Variants in RRP12 observed in about 807,000 individuals in gnomAD.
RRP12 encodes the protein ribosomal RNA processing 12 homolog, also known as RRP12-like protein.
Under a neutral mutation model 157.3 loss-of-function variants are expected in RRP12, and 78 were observed. That is an observed-to-expected ratio of 0.50 (90% confidence interval 0.41 to 0.60). The LOEUF is 0.60. Ranked by LOEUF, RRP12 falls within the 20% of genes least tolerant of loss-of-function variation. The pLI is 0.00. For missense variants in RRP12, 1,521 were observed against 1,679.9 expected (o/e 0.91, Z 1.65); for synonymous variants, 726 against 670.9 (o/e 1.08, Z -1.27).
intron 22 of RRP12, 64 bp downstream of exon 22, chr10:97,370,652 G>C (rs1844121104): frequency 6.3e-7 from 1 of 1,593,668 alleles, no homozygotes; most frequent in Admixed American, 1.7e-5. Context: ...GCCCTCCCTG[G>C]ATCCTGAGGC....
intron 9 of RRP12, 114 bp downstream of exon 9, chr10:97,385,781 C>T (rs1844614188): frequency 1.3e-6 from 1 of 749,728 alleles, no homozygotes; most frequent in African/African-American, 1.7e-5. Context: ...ACTAGGACAA[C>T]CCAGCCCAGC....
At chr10:97,366,360 A>G (rs1843979856) in intron 28 of RRP12, 86 bp downstream of exon 28, 1 of 1,554,694 alleles carries the variant, frequency 6.4e-7, no homozygotes, top group Non-Finnish European at 8.7e-7. Flanking sequence ...TGGGCCTGCC[A>G]TGGATGCCAC....
rs1173265846 is a variant in RRP12 at position 97,366,123 on chromosome 10, C to T, written c.3502G>A (p.Glu1168Lys). The change falls in exon 29 of 34, where the codon GAG becomes AAG. Residue 1168 changes from glutamate to lysine, a missense_variant. Coordinates refer to ENST00000370992, the MANE Select transcript of RRP12 (RefSeq NM_015179.4). The stretch of plus-strand genomic sequence containing the variant: ...TTGGGCCCACCTTTGGCACCTTCCT[C>T]TTCCTCCATCTTGTTGCCGTCTGCC... The part of the protein sequence containing the change: ...EEADGNKMEE[E>K]EGAKGEDEEM... 6.2e-7 allele frequency: 1 copy of T among 1,604,276 alleles called. No individual in the cohort carries two copies. The highest frequency in any genetic ancestry group is 1.3e-5 in the African/African-American group (1 of 74,772).
chr10:97,375,695 A>G (rs1844286067), intron 15 of RRP12, among the ~76,000 whole-genome samples: 1 of 152,212 alleles, frequency 6.6e-6, no homozygotes, highest in Non-Finnish European at 1.5e-5. Context: ...TGATGGGCAT[A>G]TATTTCTATT....
At chr10:97,399,501 A>G (rs1845076546) in intron 2 of RRP12, among the ~76,000 whole-genome samples, 1 of 151,992 alleles carries the variant, frequency 6.6e-6, no homozygotes, top group Non-Finnish European at 1.5e-5. Flanking sequence ...ATCATTTAGA[A>G]TTTTGACATT....
Position 97,401,132 on chromosome 10 carries a change from GGT to G in RRP12, c.98_99del (p.His33ProfsTer17). On this transcript the variant is annotated frameshift_variant, in exon 1 of 34. Transcript: ENST00000370992. LOFTEE classifies it high-confidence loss of function. The part of the protein sequence containing the change: ...SSDSNPAICR[H>X]RQAARSRFFS... The stretch of plus-strand genomic sequence containing the variant: ...AAGAAGCGGCTGCGGGCGGCCTGAC[GGT>G]GGCGGCAGATGGCGGGGTTGCTGTC... The G allele has an allele frequency of 6.2e-7, 1 of 1,613,958 alleles. No homozygotes were observed. The highest frequency in any genetic ancestry group is 8.5e-7 in the Non-Finnish European group (1 of 1,179,988).
At chr10:97,365,933 A>G (rs1461350994) in intron 29 of RRP12, 175 bp downstream of exon 29, 2 of 802,658 alleles carry the variant, frequency 2.5e-6, no homozygotes, top group African/African-American at 3.5e-5. Context: ...GCTCGGTTAC[A>G]ACATAAAAAG....
At chr10:97,373,930 C>A in intron 15 of RRP12, 36 bp from the exon 16 acceptor site, 1 of 1,594,808 alleles carries the variant, frequency 6.3e-7, no homozygotes, top group Non-Finnish European at 8.6e-7. Context: ...GTGAGCCCAG[C>A]ACCCTCCTGG....
At chr10:97,358,414 A>G (rs535540380) in intron 33 of RRP12, 123 bp downstream of exon 33, 34 of 729,948 alleles carry the variant, frequency 4.7e-5, no homozygotes, top group Admixed American at 1.1e-4. Flanking sequence ...ATGTTAAAAA[A>G]AAAAGCTGGA....
At chr10:97,391,828 C>G (rs1299108827) in intron 4 of RRP12, among the ~76,000 whole-genome samples, 1 of 150,934 alleles carries the variant, frequency 6.6e-6, no homozygotes, top group Non-Finnish European at 1.5e-5. Flanking sequence ...GGCTGAGGCA[C>G]GAGAACGGTG....
chr10:97,365,892 T>G, intron 29 of RRP12: 1 of 599,624 alleles, frequency 1.7e-6, no homozygotes. Context: ...TCCGATAGTT[T>G]CCTTTAAGTT....
chr10:97,398,516 G>C (rs1845049361), intron 2 of RRP12, among the ~76,000 whole-genome samples: 1 of 150,786 alleles, frequency 6.6e-6, no homozygotes, highest in Admixed American at 6.7e-5. Flanking sequence ...ACCATGCCAG[G>C]CTAATTTTTT....
chr10:97,394,060 T>G (rs1201531784), intron 3 of RRP12, among the ~76,000 whole-genome samples: 1 of 152,180 alleles, frequency 6.6e-6, no homozygotes, highest in Non-Finnish European at 1.5e-5. Flanking sequence ...TATATATATG[T>G]GGCTGGGCGT....
intron 29 of RRP12, among the ~76,000 whole-genome samples, chr10:97,365,017 G>A (rs938331876): frequency 1.3e-5 from 2 of 152,204 alleles, no homozygotes; most frequent in African/African-American, 4.8e-5. Flanking sequence ...AAGTACATAC[G>A]CTGTCCCCAT....
Position 97,369,453 on chromosome 10 carries a change from G to T in RRP12, c.2927C>A (p.Ala976Glu), listed in dbSNP as rs746850145. ...IKVAVTVMDVAHLAKHVQLVM... is the reference protein window; with the variant it reads ...IKVAVTVMDVEHLAKHVQLVM... ...CAGCTGCACATGTTTGGCCAGGTGC[G>T]CCACGTCCATGACAGTCACTGCCAC... Residue 976 changes from alanine (A) to glutamate (E), a missense_variant, in exon 25 of 34, where the codon GCG becomes GAG. Ala to Glu is a moderately radical substitution (Grantham distance 107). Coordinates refer to ENST00000370992, the MANE Select transcript of RRP12 (RefSeq NM_015179.4). 6.2e-7 allele frequency: 1 copy of T among 1,612,256 alleles called. No individual in the cohort carries two copies. The highest frequency in any genetic ancestry group is 8.5e-7 in the Non-Finnish European group (1 of 1,179,270).
At chr10:97,394,686 A>G (rs1483004272) in intron 3 of RRP12, among the ~76,000 whole-genome samples, 3 of 152,146 alleles carry the variant, frequency 2.0e-5, no homozygotes, top group Admixed American at 6.5e-5. Context: ...CACCACACCC[A>G]GCCAAACACC....
At chr10:97,378,723 G>A (rs938084775) in intron 15 of RRP12, among the ~76,000 whole-genome samples, 14 of 152,118 alleles carry the variant, frequency 9.2e-5, no homozygotes, top group African/African-American at 2.9e-4. Flanking sequence ...CAGGTGCAGT[G>A]GTGGGTGCCT....
chr10:97,391,746 C>A (rs1355723253), intron 4 of RRP12, among the ~76,000 whole-genome samples: 1 of 152,026 alleles, frequency 6.6e-6, no homozygotes, highest in Non-Finnish European at 1.5e-5. Flanking sequence ...ACAGTGAAAC[C>A]CGGTCTCTAC....
At chr10:97,365,675 G>T (rs1369483514) in intron 29 of RRP12, among the ~76,000 whole-genome samples, 2 of 151,676 alleles carry the variant, frequency 1.3e-5, no homozygotes, top group Non-Finnish European at 2.9e-5. Flanking sequence ...CCCGGGCAAT[G>T]TGAGACATTG....
Sources: gnomAD v4.1 joint callset for allele counts (sites outside exome capture counted in the v4.1 genomes callset) on GRCh38, gnomAD v4.1.1 for gene constraint, MANE v1.5 for transcripts, NCBI Gene and HGNC (gene_info 2026-07-23, HGNC 2026-07-21) for gene names.